TAFA5: variants seen among roughly 807,000 people sequenced by gnomAD.
TAFA5 encodes TAFA chemokine like family member 5, also known as chemokine-like protein TAFA-5.
In TAFA5, 6 loss-of-function variants were observed where a neutral mutation model predicts 15.3. The observed-to-expected ratio is 0.39, with a 90% CI of 0.21 to 0.77. TAFA5 has a LOEUF of 0.77. Ranked by LOEUF, TAFA5 falls within the 30% of genes least tolerant of loss-of-function variation. The pLI is 0.41. For synonymous variants in TAFA5, 103 were observed against 80.7 expected (o/e 1.28, Z -1.48); for missense variants, 161 against 193.1 (o/e 0.83, Z 0.98).
chr22:48,579,204 C>T (rs796975854), intron 1 of TAFA5, among the ~76,000 whole-genome samples: 11 of 152,276 alleles, frequency 7.2e-5, no homozygotes, highest in African/African-American at 2.2e-4. Context: ...AGGCAAATTG[C>T]GGTCCATAAT....
intron 1 of TAFA5, among the ~76,000 whole-genome samples, chr22:48,555,443 G>A (rs559279008): frequency 1.6e-4 from 25 of 152,348 alleles, no homozygotes; most frequent in Non-Finnish European, 2.4e-4. Flanking sequence ...GGAGGACGTG[G>A]GCTCCCAGCT....
At chr22:48,595,917 G>C (rs531284307) in intron 1 of TAFA5, among the ~76,000 whole-genome samples, 2 of 152,212 alleles carry the variant, frequency 1.3e-5, no homozygotes, top group African/African-American at 2.4e-5. Context: ...TACAACTTTC[G>C]CCATGGTTTG....
At chr22:48,600,817 T>C (rs1924940942) in intron 1 of TAFA5, among the ~76,000 whole-genome samples, 3 of 152,206 alleles carry the variant, frequency 2.0e-5, no homozygotes, top group Non-Finnish European at 4.4e-5. Context: ...CCATAGCTGC[T>C]GCGTACCCAC....
At chr22:48,705,845 C>T (rs368496325) in intron 2 of TAFA5, among the ~76,000 whole-genome samples, 5 of 152,308 alleles carry the variant, frequency 3.3e-5, no homozygotes, top group South Asian at 4.1e-4. Flanking sequence ...CTTCCTATGG[C>T]GAGGAATCTT....
chr22:48,660,306 C>T (rs961201111), intron 2 of TAFA5, among the ~76,000 whole-genome samples: 4 of 152,068 alleles, frequency 2.6e-5, no homozygotes, highest in Non-Finnish European at 4.4e-5. Context: ...AGCACAGTTG[C>T]TGTTTGCTGA....
chr22:48,600,749 A>G (rs1924938093), intron 1 of TAFA5, among the ~76,000 whole-genome samples: 1 of 152,148 alleles, frequency 6.6e-6, no homozygotes. Flanking sequence ...GGTGTCCCCC[A>G]TGGTCCCACG....
At chr22:48,738,964 C>G (rs938879497) in intron 3 of TAFA5, among the ~76,000 whole-genome samples, 1 of 152,210 alleles carries the variant, frequency 6.6e-6, no homozygotes, top group Non-Finnish European at 1.5e-5. Flanking sequence ...AGCCACCCCT[C>G]GTATGAGCAT....
chr22:48,716,048 A>G (rs1451136190), intron 3 of TAFA5, among the ~76,000 whole-genome samples: 1 of 152,144 alleles, frequency 6.6e-6, no homozygotes, highest in African/African-American at 2.4e-5. Flanking sequence ...CGAAGATCAG[A>G]TGGTTGTAGA....
chr22:48,659,928 A>C (rs1927376502), intron 2 of TAFA5, among the ~76,000 whole-genome samples: 2 of 152,170 alleles, frequency 1.3e-5, no homozygotes, highest in Admixed American at 6.5e-5. Context: ...TTGAAAGAAA[A>C]TTTTATTTTG....
At chr22:48,740,783 A>G (rs1930157879) in intron 3 of TAFA5, among the ~76,000 whole-genome samples, 1 of 152,132 alleles carries the variant, frequency 6.6e-6, no homozygotes, top group South Asian at 2.1e-4. Context: ...CAGGGTCTGC[A>G]GGCACCGTGC....
At chr22:48,697,408 GTGA>G (rs979093177) in intron 2 of TAFA5, among the ~76,000 whole-genome samples, 16 of 152,086 alleles carry the variant, frequency 1.1e-4, no homozygotes, top group African/African-American at 2.9e-4. Flanking sequence ...TAGGGTGATG[GTGA>G]TGATGACAAG....
intron 2 of TAFA5, among the ~76,000 whole-genome samples, chr22:48,655,606 G>A (rs1199706663): frequency 6.6e-6 from 1 of 152,022 alleles, no homozygotes; most frequent in African/African-American, 2.4e-5. Context: ...ATCGGTCAAA[G>A]TGCCCATCTC....
At chr22:48,700,289 G>A (rs1289097651) in intron 2 of TAFA5, among the ~76,000 whole-genome samples, 2 of 152,188 alleles carry the variant, frequency 1.3e-5, no homozygotes, top group Admixed American at 6.5e-5. Context: ...TTCAGGGCAG[G>A]GGTGCAAGGA....
chr22:48,600,435 T>C (rs758522124), intron 1 of TAFA5, among the ~76,000 whole-genome samples: 15 of 152,196 alleles, frequency 9.9e-5, no homozygotes, highest in Non-Finnish European at 1.6e-4. Flanking sequence ...AGGCAGCCCT[T>C]GTGGCCACAC....
At chr22:48,558,400 T>C (rs780571283) in intron 1 of TAFA5, among the ~76,000 whole-genome samples, 11 of 152,238 alleles carry the variant, frequency 7.2e-5, no homozygotes, top group Non-Finnish European at 1.5e-4. Flanking sequence ...TAACGCTCTT[T>C]AATGTCTGTC....
Position 48,723,994 on chromosome 22 carries a change from G to T in TAFA5, c.390+16150G>T, listed in dbSNP as rs1316804898. On this transcript the variant is annotated intron_variant, in intron 3 of 3. Transcript: ENST00000402357. ...TCAGCCTCTTCTTTGGGAAACCCCTGCCCATCTGGTCATTGGTGCTGTGCA... is the reference window on the plus strand; with the variant it reads ...TCAGCCTCTTCTTTGGGAAACCCCTTCCCATCTGGTCATTGGTGCTGTGCA... Among the ~76,000 whole-genome samples, 3 of 152,234 alleles carry T rather than the reference G, an allele frequency of 2.0e-5. No individual in the cohort carries two copies. The East Asian group carries it at 5.8e-4, about 29-fold the overall frequency.
chr22:48,559,999 G>A (rs1023011386), intron 1 of TAFA5, among the ~76,000 whole-genome samples: 2 of 152,192 alleles, frequency 1.3e-5, no homozygotes, highest in Non-Finnish European at 2.9e-5. Context: ...GTGGGTGTGA[G>A]GGTCTGGGCA....
At chr22:48,745,705 C>T (rs916550127) in intron 3 of TAFA5, among the ~76,000 whole-genome samples, 5 of 152,238 alleles carry the variant, frequency 3.3e-5, no homozygotes, top group Non-Finnish European at 5.9e-5. Flanking sequence ...CTGTCAGATG[C>T]CTCTTCTGTC....
rs562074105 is a variant in TAFA5 at position 48,583,946 on chromosome 22, A to G, written c.113-62651A>G. On this transcript the variant is annotated intron_variant, in intron 1 of 3. Transcript: ENST00000402357. ...ACACACACACCACACACCACACACC[A>G]TACACACACCACACACAAAATATAC... 3.5e-5 allele frequency among the ~76,000 whole-genome samples: 5 copies of G among 142,670 alleles called. No individual in the cohort carries two copies. The South Asian group carries it at 1.2e-3, about 33-fold the overall frequency. 93.6% of individuals were successfully genotyped at this position (142,670 alleles called of 152,430 possible). A position where few individuals can be genotyped will look rare whatever the true frequency, so the allele number is the denominator to read the frequency against.
Sources: gnomAD v4.1 joint callset for allele counts (sites outside exome capture counted in the v4.1 genomes callset) on GRCh38, gnomAD v4.1.1 for gene constraint, MANE v1.5 for transcripts, NCBI Gene and HGNC (gene_info 2026-07-23, HGNC 2026-07-21) for gene names.